Variants in CSMD1 observed in about 807,000 individuals in gnomAD.
CSMD1 encodes the protein CUB and Sushi multiple domains 1.
CSMD1 carries 213 observed loss-of-function variants against 417.5 expected under a neutral mutation model. That is an observed-to-expected ratio of 0.51 (90% CI 0.46 to 0.57). The LOEUF (loss-of-function observed/expected upper bound fraction) is 0.57. Among genes scored for constraint, CSMD1 ranks in the 20% least tolerant of loss-of-function variants. The probability of loss-of-function intolerance (pLI) is 0.00; values close to 1 mark genes in which losing one functional copy is unlikely to be tolerated. For synonymous variants in CSMD1, 2,862 were observed against 1,736.8 expected (o/e 1.65, Z -16.11); for missense variants, 6,923 against 4,529.7 (o/e 1.53, Z -15.17).
chr8:3,680,813 A>C (rs1257299365), intron 7 of CSMD1, among the ~76,000 whole-genome samples: 1 of 152,348 alleles, frequency 6.6e-6, no homozygotes, highest in East Asian at 1.9e-4. Flanking sequence ...AACCGAACTC[A>C]GCAGCACATC....
chr8:3,660,996 G>T lies in CSMD1; in HGVS notation c.1010-44199C>A, dbSNP rs538094234. ...GAGGGATTGGCAGAGGTGAGCGCCA[G>T]CACCCAGCGTCAACTGCTATTTGGT... On this transcript the variant is annotated intron_variant, in intron 7 of 69. Coordinates refer to ENST00000635120, the MANE Select transcript of CSMD1 (RefSeq NM_033225.6). Among the ~76,000 whole-genome samples, 5 of 152,312 alleles carry T rather than the reference G, an allele frequency of 3.3e-5. No individual in the cohort carries two copies. The East Asian group carries it at 9.7e-4, about 29-fold the overall frequency.
intron 5 of CSMD1, among the ~76,000 whole-genome samples, chr8:3,838,659 A>G (rs1340201153): frequency 1.7e-5 from 2 of 119,192 alleles, no homozygotes; most frequent in Non-Finnish European, 3.2e-5. Flanking sequence ...ATAGTATAAT[A>G]TATAATAAAT....
chr8:4,458,212 A>G (rs568321182), intron 2 of CSMD1, among the ~76,000 whole-genome samples: 6 of 152,342 alleles, frequency 3.9e-5, no homozygotes, highest in African/African-American at 1.2e-4. Flanking sequence ...TTGTAAAGAA[A>G]TATGGAACTT....
chr8:4,739,408 C>G (rs559335315), intron 1 of CSMD1, among the ~76,000 whole-genome samples: 136 of 152,292 alleles, frequency 8.9e-4, no homozygotes, highest in African/African-American at 3.1e-3. Flanking sequence ...GGCCTTATAT[C>G]TGATACCTCC....
chr8:4,193,622 G>C (rs957962486), intron 3 of CSMD1, among the ~76,000 whole-genome samples: 5 of 152,248 alleles, frequency 3.3e-5, no homozygotes, highest in African/African-American at 7.2e-5. Context: ...GAGCCAATGA[G>C]TGTGCTGTCA....
chr8:3,309,096 C>G (rs1000745730), intron 23 of CSMD1, among the ~76,000 whole-genome samples: 1 of 152,026 alleles, frequency 6.6e-6, no homozygotes, highest in African/African-American at 2.4e-5. Context: ...ACCCTGGATT[C>G]TCTGGTGAGC....
intron 10 of CSMD1, among the ~76,000 whole-genome samples, chr8:3,536,769 A>G (rs1798218185): frequency 6.6e-6 from 1 of 152,156 alleles, no homozygotes; most frequent in Admixed American, 6.5e-5. Context: ...CATTGTGTGG[A>G]AGGGACTAAG....
At chr8:3,707,709 G>A (rs6985082) in intron 7 of CSMD1, among the ~76,000 whole-genome samples, 146,944 of 152,300 alleles carry the variant, frequency 0.96, 71,060 homozygotes, top group Non-Finnish European at 1. Context: ...AGTCTCCAAG[G>A]AGCACATAGG....
chr8:3,195,936 A>G (rs12549570), intron 33 of CSMD1, among the ~76,000 whole-genome samples: 19 of 152,152 alleles, frequency 1.2e-4, no homozygotes, highest in Admixed American at 3.9e-4. Flanking sequence ...TCCATCTTCA[A>G]TAGGGGCTGT....
intron 35 of CSMD1, among the ~76,000 whole-genome samples, chr8:3,188,505 C>T (rs1410966020): frequency 2.0e-5 from 3 of 151,770 alleles, no homozygotes; most frequent in Non-Finnish European, 2.9e-5. Flanking sequence ...CAGGGTTTCA[C>T]CATGTTGGCC....
At chr8:2,952,642 T>C (rs1324318306) in intron 65 of CSMD1, among the ~76,000 whole-genome samples, 1 of 152,120 alleles carries the variant, frequency 6.6e-6, no homozygotes, top group Non-Finnish European at 1.5e-5. Flanking sequence ...TCAAAATAAC[T>C]TTATTTTCCA....
intron 3 of CSMD1, among the ~76,000 whole-genome samples, chr8:4,098,903 T>A (rs563649773): frequency 3.3e-5 from 5 of 152,308 alleles, no homozygotes; most frequent in Non-Finnish European, 5.9e-5. Context: ...AACTGTGGGT[T>A]AGAACCAGTA....
At chr8:3,557,988 C>T (rs1412978011) in intron 10 of CSMD1, among the ~76,000 whole-genome samples, 1 of 152,130 alleles carries the variant, frequency 6.6e-6, no homozygotes, top group Non-Finnish European at 1.5e-5. Context: ...AATGGTGCCT[C>T]AGTGGTACCC....
intron 1 of CSMD1, among the ~76,000 whole-genome samples, chr8:4,947,243 A>C (rs1808429498): frequency 6.6e-6 from 1 of 152,180 alleles, no homozygotes; most frequent in Non-Finnish European, 1.5e-5. Flanking sequence ...CAAACAGTGA[A>C]ATTTTTAAAA....
intron 2 of CSMD1, among the ~76,000 whole-genome samples, chr8:4,538,943 AT>A (rs1176255342): frequency 9.9e-5 from 15 of 152,124 alleles, no homozygotes; most frequent in Non-Finnish European, 2.1e-4. Context: ...AGAAAGCTTT[AT>A]TTTTTCAGCA....
At chr8:3,280,014 G>T (rs1187710246) in intron 26 of CSMD1, among the ~76,000 whole-genome samples, 1 of 152,182 alleles carries the variant, frequency 6.6e-6, no homozygotes, top group South Asian at 2.1e-4. Flanking sequence ...GAAAGAGATG[G>T]TCAATGCAGC....
chr8:4,993,741 G>A (rs1205063784), intron 1 of CSMD1, among the ~76,000 whole-genome samples: 1 of 152,192 alleles, frequency 6.6e-6, no homozygotes, highest in Non-Finnish European at 1.5e-5. Context: ...AAGCGGGGGC[G>A]ACCTTCTAGA....
intron 34 of CSMD1, among the ~76,000 whole-genome samples, chr8:3,189,454 A>G (rs1010103322): frequency 6.6e-6 from 1 of 152,252 alleles, no homozygotes; most frequent in African/African-American, 2.4e-5. Flanking sequence ...AGTGCTAATC[A>G]TGATTGCGCT....
intron 1 of CSMD1, among the ~76,000 whole-genome samples, chr8:4,795,030 G>C (rs747099594): frequency 6.6e-6 from 1 of 151,582 alleles, no homozygotes; most frequent in Non-Finnish European, 1.5e-5. Flanking sequence ...AAAGATGTGG[G>C]GGGTGGGTGG....
Sources: gnomAD v4.1 joint callset for allele counts (sites outside exome capture counted in the v4.1 genomes callset) on GRCh38, gnomAD v4.1.1 for gene constraint, MANE v1.5 for transcripts, NCBI Gene and HGNC (gene_info 2026-07-23, HGNC 2026-07-21) for gene names.